The following RBFOX2 variants were observed in gnomAD, a reference collection of about 807,000 sequenced individuals.
The protein encoded by RBFOX2 is RNA binding protein fox-1 homolog 2.
In RBFOX2, 10 loss-of-function variants were observed where a neutral mutation model predicts 49.1. The ratio of observed to expected loss-of-function variants is 0.20; its 90% CI spans 0.13 to 0.35. The LOEUF (loss-of-function observed/expected upper bound fraction) is 0.35. Ranked by LOEUF, RBFOX2 falls within the 10% of genes least tolerant of loss-of-function variation. The probability of loss-of-function intolerance (pLI) is 1.00; values close to 1 mark genes in which losing one functional copy is unlikely to be tolerated. For missense variants in RBFOX2, 323 were observed against 486.9 expected (o/e 0.66, Z 3.17); for synonymous variants, 183 against 187.4 (o/e 0.98, Z 0.19).
At chr22:35,758,866 A>G (rs888926762) in intron 9 of RBFOX2, among the ~76,000 whole-genome samples, 12 of 152,226 alleles carry the variant, frequency 7.9e-5, no homozygotes, top group Admixed American at 4.6e-4. Context: ...CTCAAGGCTA[A>G]GCCAATTTTG....
chr22:35,942,283 G>A (rs1455298611), upstream of RBFOX2, among the ~76,000 whole-genome samples: 1 of 152,106 alleles, frequency 6.6e-6, no homozygotes, highest in East Asian at 1.9e-4. Flanking sequence ...GCAAAAAGAT[G>A]AGTCAATAGA....
chr22:35,756,737 G>A (rs1050311061), intron 9 of RBFOX2, among the ~76,000 whole-genome samples: 1 of 151,918 alleles, frequency 6.6e-6, no homozygotes, highest in Non-Finnish European at 1.5e-5. Context: ...TTAGACATGC[G>A]ATAAGATTTG....
intron 1 of RBFOX2, among the ~76,000 whole-genome samples, chr22:35,955,728 C>A (rs1454122499): frequency 3.3e-5 from 5 of 152,148 alleles, no homozygotes; most frequent in Non-Finnish European, 7.3e-5. Context: ...GTAGTGCTTG[C>A]TGCTCACCTC....
chr22:35,886,346 G>A (rs1283625190), intron 1 of RBFOX2, among the ~76,000 whole-genome samples: 1 of 152,150 alleles, frequency 6.6e-6, no homozygotes, highest in African/African-American at 2.4e-5. Flanking sequence ...GGAGCACCAA[G>A]TTCTCACATT....
intron 1 of RBFOX2, among the ~76,000 whole-genome samples, chr22:35,957,595 TTC>T (rs1797304305): frequency 6.6e-6 from 1 of 152,228 alleles, no homozygotes; most frequent in Non-Finnish European, 1.5e-5. Flanking sequence ...CTCATAACAA[TTC>T]TGTTAGATAG....
chr22:35,898,618 G>A (rs1428263865), intron 1 of RBFOX2, among the ~76,000 whole-genome samples: 1 of 151,586 alleles, frequency 6.6e-6, no homozygotes, highest in Non-Finnish European at 1.5e-5. Context: ...GGTAGAAACG[G>A]GGTTTCACTA....
upstream of RBFOX2, among the ~76,000 whole-genome samples, chr22:35,942,522 T>C (rs2053804426): frequency 6.6e-6 from 1 of 152,048 alleles, no homozygotes; most frequent in African/African-American, 2.4e-5. Flanking sequence ...GTGTTATCAA[T>C]TATTGCAAAA....
rs141560944 is a variant in RBFOX2, at chr22:35,759,980, G to C, written c.795C>G (p.Ala265=). 8 of 1,613,864 alleles carry C rather than the reference G, an allele frequency of 5.0e-6. No homozygotes were observed. The highest frequency in any genetic ancestry group is 6.8e-6 in the Non-Finnish European group (8 of 1,180,042). Reference sequence around the variant, plus strand: ...CCCTCAAATGGGCTCCTCTGAAAGCGGCTGCCGTGGTGGCTGCAGTAGGGT... The same window carrying C: ...CCCTCAAATGGGCTCCTCTGAAAGCCGCTGCCGTGGTGGCTGCAGTAGGGT... Residue 265 remains alanine (A), a synonymous_variant, in exon 9 of 12, where the codon GCC becomes GCG. Transcript: ENST00000405409. This position sits in a 1 kb window ranked among gnomAD's most constrained non-coding sequence, Gnocchi z 4.6.
chr22:35,942,474 G>GA (rs923395679), upstream of RBFOX2, among the ~76,000 whole-genome samples: 78 of 151,366 alleles, frequency 5.2e-4, no homozygotes, highest in Admixed American at 1.1e-3. Flanking sequence ...GAAAAACTAG[G>GA]AAAAAAAACC....
At chr22:35,762,072 A>G (rs901934988) in intron 6 of RBFOX2, among the ~76,000 whole-genome samples, 1 of 152,248 alleles carries the variant, frequency 6.6e-6, no homozygotes. Flanking sequence ...TTCAAGGTAC[A>G]TTCCCAACTT....
At chr22:35,817,166 G>C (rs942737028) in intron 1 of RBFOX2, among the ~76,000 whole-genome samples, 1 of 152,084 alleles carries the variant, frequency 6.6e-6, no homozygotes, top group Non-Finnish European at 1.5e-5. Flanking sequence ...TAGAAGAACA[G>C]AGTCAGTTAA....
chr22:35,955,636 G>A (rs537600944), intron 1 of RBFOX2, among the ~76,000 whole-genome samples: 9 of 152,000 alleles, frequency 5.9e-5, no homozygotes, highest in Non-Finnish European at 1.2e-4. Context: ...TAGATCCCTC[G>A]CACGCGCAGT....
At chr22:35,887,438 G>A (rs1352716185) in intron 1 of RBFOX2, among the ~76,000 whole-genome samples, 1 of 152,074 alleles carries the variant, frequency 6.6e-6, no homozygotes, top group Non-Finnish European at 1.5e-5. Context: ...CCTCTCTTCT[G>A]TGATATTCTC....
At chr22:35,922,816 C>A (rs1023871248) in intron 1 of RBFOX2, among the ~76,000 whole-genome samples, 1 of 152,118 alleles carries the variant, frequency 6.6e-6, no homozygotes, top group Non-Finnish European at 1.5e-5. Context: ...ATAATCTAAG[C>A]CTGCTTCCCT....
At chr22:35,860,840 T>G (rs1213258574) in intron 1 of RBFOX2, among the ~76,000 whole-genome samples, 10 of 152,194 alleles carry the variant, frequency 6.6e-5, no homozygotes, top group Non-Finnish European at 2.9e-5. Flanking sequence ...TCCACTTCAT[T>G]CCACTATTCA....
At chr22:35,951,777 AT>A (rs2054971027) in intron 1 of RBFOX2, among the ~76,000 whole-genome samples, 1 of 152,084 alleles carries the variant, frequency 6.6e-6, no homozygotes, top group Non-Finnish European at 1.5e-5. Context: ...AAACTATACA[AT>A]TTTTCCCCCA....
At chr22:36,012,572 CTGAG>C (rs1320035507) in intron 1 of RBFOX2, among the ~76,000 whole-genome samples, 1 of 151,988 alleles carries the variant, frequency 6.6e-6, no homozygotes, top group Non-Finnish European at 1.5e-5. Context: ...GCACTCCAGC[CTGAG>C]TGACTAAGAA....
intron 1 of RBFOX2, among the ~76,000 whole-genome samples, chr22:35,864,786 A>C (rs946905178): frequency 7.2e-5 from 11 of 152,202 alleles, no homozygotes; most frequent in Non-Finnish European, 1.6e-4. Flanking sequence ...AAAGCTAAGA[A>C]ATGACTTTTT....
In RBFOX2 at chr22:35,791,955, A is replaced by C. The variant is rs577647611; in HGVS notation, c.253-10209T>G. On this transcript the variant is annotated intron_variant, in intron 2 of 11. Coordinates refer to ENST00000405409, the Ensembl canonical transcript of RBFOX2. ...GAATAAGCCTATCAAAGGTCAGTAG[A>C]TATTTCTATTAACTGCTCAAAGTAC... 7.9e-5 allele frequency among the ~76,000 whole-genome samples: 12 copies of C among 152,338 alleles called. No individual in the cohort carries two copies. The South Asian group carries it at 2.3e-3, about 29-fold the overall frequency.
Sources: allele counts gnomAD v4.1 joint callset (sites outside exome capture counted in the v4.1 genomes callset), GRCh38; gene constraint gnomAD v4.1.1; non-coding constraint Gnocchi (gnomAD v3.1); transcripts MANE v1.5; gene names NCBI Gene and HGNC (gene_info 2026-07-23, HGNC 2026-07-21).